FUT8: variants seen among roughly 807,000 people sequenced by gnomAD.
FUT8 encodes alpha-(1,6)-fucosyltransferase.
FUT8 carries 29 observed loss-of-function variants against 71.3 expected under a neutral mutation model. The observed-to-expected ratio is 0.41, with a 90% CI of 0.30 to 0.55. The LOEUF is 0.55. Ranked by LOEUF, FUT8 falls within the 20% of genes least tolerant of loss-of-function variation. The probability of loss-of-function intolerance (pLI) is 0.34; values close to 1 mark genes in which losing one functional copy is unlikely to be tolerated. For missense variants in FUT8, 544 were observed against 702.1 expected (o/e 0.77, Z 2.55); for synonymous variants, 254 against 239.3 (o/e 1.06, Z -0.57).
chr14:65,635,325 C>T (rs1325888911), intron 6 of FUT8, among the ~76,000 whole-genome samples: 1 of 152,060 alleles, frequency 6.6e-6, no homozygotes, highest in East Asian at 1.9e-4. Context: ...GATTTGGATG[C>T]CCTTTCTTTC....
intron 3 of FUT8, among the ~76,000 whole-genome samples, chr14:65,606,159 G>A (rs371905177): frequency 2.0e-4 from 30 of 147,260 alleles, no homozygotes; most frequent in African/African-American, 7.0e-4. Context: ...TGCAACCTCC[G>A]CCTCCCAGGT....
At chr14:65,572,713 T>C (rs1355232078) in intron 3 of FUT8, among the ~76,000 whole-genome samples, 1 of 152,164 alleles carries the variant, frequency 6.6e-6, no homozygotes, top group Non-Finnish European at 1.5e-5. Context: ...GCGATAAAGA[T>C]GGGTCATTCT....
intron 7 of FUT8, among the ~76,000 whole-genome samples, chr14:65,679,433 G>A (rs1248846832): frequency 6.6e-6 from 1 of 152,164 alleles, no homozygotes; most frequent in African/African-American, 2.4e-5. Flanking sequence ...GTTATATGGT[G>A]TCTCTATTTC....
chr14:65,615,934 C>A, intron 3 of FUT8, 44 bp from the exon 4 acceptor site: 3 of 1,360,778 alleles, frequency 2.2e-6, no homozygotes, highest in Non-Finnish European at 3.1e-6. Flanking sequence ...TTTTGTTGCA[C>A]AGTTTGAAAG....
At chr14:65,474,589 A>AAAAT (rs146945706) in intron 2 of FUT8, among the ~76,000 whole-genome samples, 2 of 151,940 alleles carry the variant, frequency 1.3e-5, no homozygotes, top group African/African-American at 4.8e-5. Context: ...CTCTGTCTCA[A>AAAAT]AAATAAATAA....
the FUT8 span, among the ~76,000 whole-genome samples, chr14:65,366,694 G>T: frequency 6.6e-6 from 1 of 152,096 alleles, no homozygotes; most frequent in South Asian, 2.1e-4. Flanking sequence ...CTATAGTGTC[G>T]TATCTTAGAG....
chr14:65,734,546 A>G (rs1438785192), intron 10 of FUT8, among the ~76,000 whole-genome samples: 9 of 152,210 alleles, frequency 5.9e-5, no homozygotes, highest in African/African-American at 2.2e-4. Context: ...CCATGAAGGC[A>G]TCCACTATTT....
intron 2 of FUT8, among the ~76,000 whole-genome samples, chr14:65,458,689 TA>T (rs1332523087): frequency 6.6e-6 from 1 of 152,180 alleles, no homozygotes; most frequent in African/African-American, 2.4e-5. Context: ...ATGAATTATG[TA>T]ATTTTCATAG....
At chr14:65,720,922 T>C (rs912857583) in intron 7 of FUT8, among the ~76,000 whole-genome samples, 3 of 152,126 alleles carry the variant, frequency 2.0e-5, no homozygotes, top group African/African-American at 7.2e-5. Flanking sequence ...TGCTGTGACA[T>C]GGTAACACTG....
rs1331339110 is a variant in FUT8 at position 65,558,639 on chromosome 14, G to T, written c.-227-2698G>T. On this transcript the variant is annotated intron_variant, in intron 2 of 10. Coordinates refer to ENST00000673929, the MANE Select transcript of FUT8 (RefSeq NM_001371533.1). ...TGGCGTTTGTATTTTAGCAAGCATGGTTCAGACAATAAACAGTAACCATAA... is the reference window on the plus strand; with the variant it reads ...TGGCGTTTGTATTTTAGCAAGCATGTTTCAGACAATAAACAGTAACCATAA... Among the ~76,000 whole-genome samples the T allele has an allele frequency of 2.0e-5, 3 of 152,158 alleles. No individual in the cohort carries two copies. The East Asian group carries it at 5.8e-4, about 29-fold the overall frequency.
chr14:65,450,483 C>A (rs947278505), intron 1 of FUT8, among the ~76,000 whole-genome samples: 1 of 152,108 alleles, frequency 6.6e-6, no homozygotes, highest in East Asian at 1.9e-4. Flanking sequence ...TTGTAACGTT[C>A]GACTGAATTC....
intron 3 of FUT8, among the ~76,000 whole-genome samples, chr14:65,605,994 C>A (rs1342271192): frequency 6.6e-6 from 1 of 151,376 alleles, no homozygotes; most frequent in Non-Finnish European, 1.5e-5. Flanking sequence ...ATATAATAAT[C>A]CTACATTAAT....
chr14:65,594,943 A>G (rs536117075), intron 3 of FUT8, among the ~76,000 whole-genome samples: 7 of 152,234 alleles, frequency 4.6e-5, no homozygotes, highest in African/African-American at 1.7e-4. Flanking sequence ...GTAAAAAGAT[A>G]TTATTGAGAA....
At chr14:65,572,017 T>C (rs1886504782) in intron 3 of FUT8, among the ~76,000 whole-genome samples, 1 of 152,188 alleles carries the variant, frequency 6.6e-6, no homozygotes, top group Non-Finnish European at 1.5e-5. Context: ...ACTTTGCCCA[T>C]AGTCTTACAA....
At chr14:65,599,331 A>G (rs60444883) in intron 3 of FUT8, among the ~76,000 whole-genome samples, 1 of 152,190 alleles carries the variant, frequency 6.6e-6, no homozygotes, top group Non-Finnish European at 1.5e-5. Context: ...CCATCTCCCT[A>G]TACTTCTAAC....
chr14:65,579,697 T>C (rs530858439), intron 3 of FUT8, among the ~76,000 whole-genome samples: 1 of 152,248 alleles, frequency 6.6e-6, no homozygotes, highest in South Asian at 2.1e-4. Flanking sequence ...ATAGATATAG[T>C]ATATCTAAAA....
At chr14:65,644,299 T>A (rs11848829) in intron 6 of FUT8, among the ~76,000 whole-genome samples, 141,496 of 151,488 alleles carry the variant, frequency 0.93, 66,137 homozygotes, top group East Asian at 0.98. Flanking sequence ...ATATATATAT[T>A]TTTTTTTTTG....
intron 6 of FUT8, among the ~76,000 whole-genome samples, chr14:65,650,878 G>A (rs1466248260): frequency 6.6e-6 from 1 of 152,130 alleles, no homozygotes; most frequent in Non-Finnish European, 1.5e-5. Flanking sequence ...CCATTTTAAT[G>A]ATATCTATCC....
intron 7 of FUT8, among the ~76,000 whole-genome samples, chr14:65,672,515 G>A (rs990162878): frequency 1.3e-5 from 2 of 152,010 alleles, no homozygotes; most frequent in East Asian, 1.9e-4. Flanking sequence ...GCTGGAGTGC[G>A]GGGGCATGAT....
Sources: allele counts gnomAD v4.1 joint callset (sites outside exome capture counted in the v4.1 genomes callset), GRCh38; gene constraint gnomAD v4.1.1; transcripts MANE v1.5; gene names NCBI Gene and HGNC (gene_info 2026-07-23, HGNC 2026-07-21).